Variants in SPI1 observed in about 807,000 individuals in gnomAD.
SPI1 encodes transcription factor PU.1.
In SPI1, 3 loss-of-function variants were observed where a neutral mutation model predicts 30.7. That is an observed-to-expected ratio of 0.10 (90% CI 0.04 to 0.25). SPI1 has a LOEUF of 0.25. Among genes scored for constraint, SPI1 ranks in the 10% least tolerant of loss-of-function variants. The pLI is 1.00. For synonymous variants in SPI1, 169 were observed against 157.1 expected (o/e 1.08, Z -0.56); for missense variants, 261 against 371.5 (o/e 0.70, Z 2.45).
At chr11:47,372,058 T>C (rs1447325547) in intron 2 of SPI1, among the ~76,000 whole-genome samples, 1 of 152,026 alleles carries the variant, frequency 6.6e-6, no homozygotes, top group Non-Finnish European at 1.5e-5. Context: ...GCCCCCCATG[T>C]AGACACTCCG....
intron 2 of SPI1, among the ~76,000 whole-genome samples, chr11:47,370,196 A>G (rs1450991867): frequency 6.6e-6 from 1 of 151,722 alleles, no homozygotes; most frequent in African/African-American, 2.4e-5. Flanking sequence ...TGAGGTCAGG[A>G]GTTTGAGACC....
chr11:47,355,855 C>T (rs1266268367), intron 4 of SPI1, among the ~76,000 whole-genome samples: 1 of 77,560 alleles, frequency 1.3e-5, no homozygotes, highest in East Asian at 4.0e-4. Context: ...CGCACCCACA[C>T]CTCCTTACAC....
chr11:47,366,496 C>A (rs1485596038), intron 2 of SPI1, among the ~76,000 whole-genome samples: 1 of 152,102 alleles, frequency 6.6e-6, no homozygotes, highest in African/African-American at 2.4e-5. Context: ...AAAAAACCTT[C>A]TCAGAAGATC....
At chr11:47,357,958 G>A (rs1009918498) in intron 4 of SPI1, among the ~76,000 whole-genome samples, 1 of 149,616 alleles carries the variant, frequency 6.7e-6, no homozygotes, top group African/African-American at 2.5e-5. Context: ...GCTCACACAC[G>A]CAGGTGCTTA....
At position 47,375,637 on chromosome 11, in the gene SPI1, A is replaced by G. The variant is rs1188716697; in HGVS notation, c.138T>C (p.His46=). The change falls in exon 2 of 5, where the codon CAT becomes CAC. Residue 46 remains histidine (H), a synonymous_variant. Coordinates refer to ENST00000378538, the MANE Select transcript of SPI1 (RefSeq NM_003120.3). This position sits in a 1 kb window ranked among gnomAD's most constrained non-coding sequence, Gnocchi z 4.2. ...YPYLSSDGES[H]SDHYWDFHPH... ...CGTGGCAGGCCCCGTACTCACCGCTATGGCTCTCCCCATCACTGCTGAGAT... is the reference window on the plus strand; with the variant it reads ...CGTGGCAGGCCCCGTACTCACCGCTGTGGCTCTCCCCATCACTGCTGAGAT... The G allele has an allele frequency of 1.2e-6, 2 of 1,613,526 alleles. No homozygotes were observed. Among genetic ancestry groups the G allele is most frequent in the South Asian group, 1.1e-5 (1 of 91,066 alleles).
chr11:47,370,064 G>A (rs2095933625), intron 2 of SPI1, among the ~76,000 whole-genome samples: 1 of 152,194 alleles, frequency 6.6e-6, no homozygotes, highest in African/African-American at 2.4e-5. Flanking sequence ...CAGCAGCCTG[G>A]TTTCAGAAGA....
At chr11:47,356,771 G>A (rs1201382507) in intron 4 of SPI1, among the ~76,000 whole-genome samples, 5 of 143,040 alleles carry the variant, frequency 3.5e-5, no homozygotes, top group East Asian at 4.2e-4. Context: ...ACATATGATC[G>A]CACCTACCCA....
At chr11:47,360,167 C>G in intron 2 of SPI1, 127 bp from the exon 3 acceptor site, 1 of 808,216 alleles carries the variant, frequency 1.2e-6, no homozygotes, top group South Asian at 2.1e-5. Context: ...CCCTCGCCAC[C>G]TGCATGGTTA....
intron 2 of SPI1, among the ~76,000 whole-genome samples, chr11:47,366,837 G>GAAAAGAAAAGAA (rs1230721880): frequency 6.6e-6 from 1 of 151,416 alleles, no homozygotes; most frequent in African/African-American, 2.4e-5. Flanking sequence ...GAAAAGAAAA[G>GAAAAGAAAAGAA]AAAAGAAAAG....
At chr11:47,355,606 C>T (rs2095906924) in intron 4 of SPI1, 60 bp from the exon 5 acceptor site, 1 of 1,426,106 alleles carries the variant, frequency 7.0e-7, no homozygotes. Context: ...CCGCCCCCAC[C>T]GCCTTGCGTA....
At chr11:47,356,393 TCA>T (rs750417774) in intron 4 of SPI1, among the ~76,000 whole-genome samples, 2 of 146,660 alleles carry the variant, frequency 1.4e-5, no homozygotes, top group Admixed American at 6.8e-5. Flanking sequence ...TCACACCCAC[TCA>T]CATGCACACT....
chr11:47,361,136 GA>G (rs1340832563), intron 2 of SPI1, among the ~76,000 whole-genome samples: 1 of 151,916 alleles, frequency 6.6e-6, no homozygotes, highest in Admixed American at 6.6e-5. Context: ...GAAAAAAAAA[GA>G]AAAAAGAAAA....
intron 2 of SPI1, among the ~76,000 whole-genome samples, chr11:47,369,746 C>A (rs1389908525): frequency 6.6e-6 from 1 of 152,150 alleles, no homozygotes; most frequent in Non-Finnish European, 1.5e-5. Flanking sequence ...CACAGCCAAA[C>A]TATGATTAAT....
intron 4 of SPI1, chr11:47,358,295 ACT>A (rs890640233): frequency 4.0e-6 from 2 of 505,132 alleles, no homozygotes; most frequent in Non-Finnish European, 3.6e-6. Flanking sequence ...CACACATATC[ACT>A]CACACATGCC....
At chr11:47,355,607 G>T (rs2095906934) in intron 4 of SPI1, 61 bp from the exon 5 acceptor site, 1 of 1,419,274 alleles carries the variant, frequency 7.0e-7, no homozygotes, top group Non-Finnish European at 9.4e-7. Flanking sequence ...CGCCCCCACC[G>T]CCTTGCGTAC....
At chr11:47,377,726 C>G (rs1037943202) in intron 1 of SPI1, among the ~76,000 whole-genome samples, 3 of 152,212 alleles carry the variant, frequency 2.0e-5, no homozygotes, top group Admixed American at 6.5e-5. Context: ...CCACTCCTGG[C>G]TCCTTTCCAG....
chr11:47,376,120 C>A (rs996117035), intron 1 of SPI1, among the ~76,000 whole-genome samples: 2 of 152,000 alleles, frequency 1.3e-5, no homozygotes, highest in African/African-American at 4.8e-5. Context: ...CACGAGGACT[C>A]ACTCTCACAG....
rs964235741 is a variant in SPI1, at chr11:47,374,364, C to T, written c.142+1269G>A. 3.3e-4 allele frequency among the ~76,000 whole-genome samples: 51 copies of T among 152,340 alleles called. No homozygotes were observed. The highest frequency in any genetic ancestry group is 1.6e-3 in the Admixed American group (24 of 15,300). ...TGAAAGATTCTAAAAGATGCCTGTG[C>T]GTTCCCAGCTGTGGCCTGGAGGCAT... On this transcript the variant is annotated intron_variant, in intron 2 of 4. Transcript: ENST00000378538. This position sits in a 1 kb window ranked among gnomAD's most constrained non-coding sequence, Gnocchi z 4.5.
intron 2 of SPI1, among the ~76,000 whole-genome samples, chr11:47,364,129 C>CA (rs148906790): frequency 1 from 151,365 of 151,366 alleles, 75,682 homozygotes; most frequent in Non-Finnish European, 1. Flanking sequence ...TGGCTCACTG[C>CA]AGCTCCGCCT....
Sources: allele counts gnomAD v4.1 joint callset (sites outside exome capture counted in the v4.1 genomes callset), GRCh38; gene constraint gnomAD v4.1.1; non-coding constraint Gnocchi (gnomAD v3.1); transcripts MANE v1.5; gene names NCBI Gene and HGNC (gene_info 2026-07-23, HGNC 2026-07-21).